CELF1: variants seen among roughly 807,000 people sequenced by gnomAD.
CELF1 encodes 50 kDa nuclear polyadenylated RNA-binding protein.
Under a neutral mutation model 61.8 loss-of-function variants are expected in CELF1, and 10 were observed. The observed-to-expected ratio is 0.16, with a 90% CI of 0.10 to 0.27. CELF1 has a LOEUF of 0.27. Among genes scored for constraint, CELF1 ranks in the 10% least tolerant of loss-of-function variants. The pLI, the probability that CELF1 is intolerant of heterozygous loss-of-function variation, is 1.00. For synonymous variants in CELF1, 236 were observed against 225.1 expected (o/e 1.05, Z -0.43); for missense variants, 380 against 639.1 (o/e 0.59, Z 4.37).
chr11:47,481,077 T>C (rs1395416619), intron 9 of CELF1, among the ~76,000 whole-genome samples: 12 of 133,392 alleles, frequency 9.0e-5, no homozygotes, highest in Non-Finnish European at 1.8e-4. Context: ...TAGGATAAAC[T>C]GGGGTTTTTT....
intron 1 of CELF1, among the ~76,000 whole-genome samples, chr11:47,551,193 C>CTA (rs1187524836): frequency 3.3e-5 from 5 of 152,218 alleles, no homozygotes; most frequent in Admixed American, 6.5e-5. Flanking sequence ...AGCACAATCT[C>CTA]TAAAGAAAAC....
chr11:47,509,421 G>GTA lies in CELF1; in HGVS notation c.-153-8491_-153-8490dup, dbSNP rs552979855. On this transcript the variant is annotated intron_variant, in intron 1 of 14. Coordinates refer to ENST00000687097, the MANE Select transcript of CELF1 (RefSeq NM_001376376.1). The stretch of plus-strand genomic sequence containing the variant: ...GCTAAGAGGGGGGCTGGGTGTGACG[G>GTA]TATACACCTGTAGTCCTAGCAACTT... Among the ~76,000 whole-genome samples the GTA allele has an allele frequency of 2.4e-3, 365 of 152,268 alleles. 2 individuals are homozygous for GTA. The highest frequency in any genetic ancestry group is 8.1e-3 in the African/African-American group (337 of 41,544).
At chr11:47,545,870 C>CGTGTGTGTGTGTGTGTGTGTGTGTGT (rs71042682) in intron 1 of CELF1, among the ~76,000 whole-genome samples, 1 of 91,800 alleles carries the variant, frequency 1.1e-5, no homozygotes, top group Non-Finnish European at 2.1e-5. Flanking sequence ...TGTGTGTCTG[C>CGTGTGTGTGTGTGTGTGTGTGTGTGT]GTGTGTGTGT....
intron 1 of CELF1, among the ~76,000 whole-genome samples, chr11:47,541,799 A>G (rs2096805895): frequency 1.5e-5 from 2 of 136,156 alleles, no homozygotes; most frequent in African/African-American, 2.7e-5. Context: ...AGAACGAAAG[A>G]AAGAAAGAAA....
intron 1 of CELF1, among the ~76,000 whole-genome samples, chr11:47,504,407 T>A (rs977329025): frequency 6.6e-6 from 1 of 150,804 alleles, no homozygotes; most frequent in Non-Finnish European, 1.5e-5. Flanking sequence ...CATGGCGCCA[T>A]CTCTACAAAA....
chr11:47,552,864 A>G (rs11039291), intron 1 of CELF1, 128 bp downstream of exon 1: 386,958 of 395,518 alleles, frequency 0.98, 189,845 homozygotes, highest in East Asian at 1. Flanking sequence ...GGAACGAGAA[A>G]AGGCCGCGCC....
intron 1 of CELF1, among the ~76,000 whole-genome samples, chr11:47,530,504 G>T (rs974890643): frequency 6.6e-6 from 1 of 152,176 alleles, no homozygotes; most frequent in Non-Finnish European, 1.5e-5. Flanking sequence ...AGACAGTTTG[G>T]TATATGTGGC....
At chr11:47,530,970 G>A (rs1054239693) in intron 1 of CELF1, among the ~76,000 whole-genome samples, 1 of 152,040 alleles carries the variant, frequency 6.6e-6, no homozygotes, top group African/African-American at 2.4e-5. Flanking sequence ...CAAAAAGCCC[G>A]GCGTGGTAGC....
At chr11:47,489,474 T>C (rs1301232076) in intron 3 of CELF1, among the ~76,000 whole-genome samples, 1 of 152,230 alleles carries the variant, frequency 6.6e-6, no homozygotes, top group African/African-American at 2.4e-5. Flanking sequence ...ACAGGTGAAG[T>C]TTCCTTTCAG....
chr11:47,536,234 T>C (rs1278536403), intron 1 of CELF1, among the ~76,000 whole-genome samples: 1 of 151,980 alleles, frequency 6.6e-6, no homozygotes, highest in Non-Finnish European at 1.5e-5. Flanking sequence ...CTGGGCATGG[T>C]GCCAACGGCC....
At chr11:47,496,595 G>GGT (rs977675882) in intron 3 of CELF1, among the ~76,000 whole-genome samples, 12 of 152,180 alleles carry the variant, frequency 7.9e-5, no homozygotes, top group African/African-American at 2.9e-4. Context: ...AGGAGGGGGA[G>GGT]GTGTGTGTGC....
At chr11:47,486,847 C>A (rs2087599497) in intron 5 of CELF1, 49 bp from the exon 6 acceptor site, 2 of 1,355,126 alleles carry the variant, frequency 1.5e-6, no homozygotes, top group African/African-American at 2.9e-5. Context: ...TGATGGTATT[C>A]AAAAATACAT....
intron 1 of CELF1, among the ~76,000 whole-genome samples, chr11:47,544,855 G>C (rs977340897): frequency 1.3e-5 from 2 of 151,796 alleles, no homozygotes; most frequent in African/African-American, 4.8e-5. Context: ...CCAGCTACTC[G>C]GAAGGCTGAG....
At chr11:47,483,582 A>G (rs1186411800) in intron 7 of CELF1, 50 bp from the exon 8 acceptor site, 10 of 1,383,362 alleles carry the variant, frequency 7.2e-6, no homozygotes, top group Non-Finnish European at 1.0e-5. Flanking sequence ...TTCTCTGACA[A>G]ACATTAACTG....
chr11:47,537,580 T>C (rs182226255), intron 1 of CELF1, among the ~76,000 whole-genome samples: 1 of 152,184 alleles, frequency 6.6e-6, no homozygotes, highest in African/African-American at 2.4e-5. Flanking sequence ...TGTCTTTTGA[T>C]GGAAAGCTGC....
At chr11:47,526,504 T>C (rs1304728887) in intron 1 of CELF1, among the ~76,000 whole-genome samples, 1 of 152,208 alleles carries the variant, frequency 6.6e-6, no homozygotes, top group Non-Finnish European at 1.5e-5. Flanking sequence ...TTGCCTACTT[T>C]AGAGAAAACA....
rs537472388 is a variant in CELF1 at position 47,466,702 on chromosome 11, G to A, written c.*5528C>T. 6 of 152,226 alleles carry A rather than the reference G, an allele frequency of 3.9e-5. No homozygotes were observed. The highest frequency in any genetic ancestry group is 3.4e-3 in the Middle Eastern group (1 of 294). The allele number at this position is 152,226 out of a possible 1,614,324, so 9.4% of individuals were successfully genotyped here. A position where few individuals can be genotyped will look rare whatever the true frequency, so the allele number is the denominator to read the frequency against. On this transcript the variant is annotated 3_prime_UTR_variant, in exon 15 of 15. Transcript: ENST00000687097. Reference sequence around the variant, plus strand: ...AGAGAGAAAAGGAAAAGGAAACAACGTCCAACATTTGGCATTTGGTTTTAT... The same window carrying A: ...AGAGAGAAAAGGAAAAGGAAACAACATCCAACATTTGGCATTTGGTTTTAT...
intron 13 of CELF1, among the ~76,000 whole-genome samples, chr11:47,474,070 C>T (rs1348160390): frequency 2.6e-5 from 4 of 152,130 alleles, no homozygotes; most frequent in South Asian, 4.1e-4. Context: ...CCATGCCTGG[C>T]GTATTTTTAG....
intron 2 of CELF1, among the ~76,000 whole-genome samples, chr11:47,559,371 T>G (rs969568157): frequency 1.3e-5 from 2 of 151,224 alleles, no homozygotes; most frequent in East Asian, 3.9e-4. Flanking sequence ...GGCCTTTTTT[T>G]TTTTTGTGAG....
Sources: gnomAD v4.1 joint callset for allele counts (sites outside exome capture counted in the v4.1 genomes callset) on GRCh38, gnomAD v4.1.1 for gene constraint, MANE v1.5 for transcripts, NCBI Gene and HGNC (gene_info 2026-07-23, HGNC 2026-07-21) for gene names.